GSE1: variants seen among roughly 807,000 people sequenced by gnomAD.
GSE1 encodes Gse1 coiled-coil protein.
A neutral mutation model predicts 112.6 loss-of-function variants in GSE1; 32 were observed. The ratio of observed to expected loss-of-function variants is 0.28; its 90% confidence interval spans 0.21 to 0.38. The LOEUF (loss-of-function observed/expected upper bound fraction) is 0.38, where lower values mean the gene tolerates loss of function less well. Among genes scored for constraint, GSE1 ranks in the 10% least tolerant of loss-of-function variants. GSE1 has a pLI of 1.00. For synonymous variants in GSE1, 1,115 were observed against 735.6 expected (o/e 1.52, Z -8.35); for missense variants, 2,348 against 1,699.2 (o/e 1.38, Z -6.71).
intron 1 of GSE1, among the ~76,000 whole-genome samples, chr16:85,299,003 G>A (rs776506783): frequency 5.3e-5 from 8 of 152,208 alleles, no homozygotes; most frequent in Non-Finnish European, 1.0e-4. Context: ...TGGAATGTCC[G>A]TCCTCGCTGC....
At chr16:85,190,083 C>G (rs969483682) in intron 1 of GSE1, among the ~76,000 whole-genome samples, 3 of 152,124 alleles carry the variant, frequency 2.0e-5, no homozygotes, top group African/African-American at 4.8e-5. Context: ...GGGACTGTTC[C>G]AAGTTATCTA....
intron 2 of GSE1, among the ~76,000 whole-genome samples, chr16:85,527,794 A>G (rs77807576): frequency 0.037 from 5,583 of 152,368 alleles, 152 homozygotes; most frequent in South Asian, 0.12. Flanking sequence ...TAGCACAGAC[A>G]TATACAGGAG....
At chr16:85,493,733 T>C (rs549763406) in intron 2 of GSE1, among the ~76,000 whole-genome samples, 1 of 136,066 alleles carries the variant, frequency 7.3e-6, no homozygotes, top group South Asian at 2.3e-4. Context: ...GAGGTTGTGG[T>C]AAGCCGAGAT....
At chr16:85,515,781 C>A (rs2051912484) in intron 2 of GSE1, among the ~76,000 whole-genome samples, 1 of 152,046 alleles carries the variant, frequency 6.6e-6, no homozygotes, top group African/African-American at 2.4e-5. Flanking sequence ...TCAGTGGCCC[C>A]CAGCACATGT....
chr16:85,508,429 G>A (rs73267224), intron 2 of GSE1, among the ~76,000 whole-genome samples: 15 of 152,146 alleles, frequency 9.9e-5, no homozygotes, highest in South Asian at 2.1e-4. Context: ...CACCAGGGGC[G>A]AGAGGTGAGT....
At chr16:85,524,544 T>A (rs1481376209) in intron 2 of GSE1, among the ~76,000 whole-genome samples, 2 of 149,496 alleles carry the variant, frequency 1.3e-5, no homozygotes, top group African/African-American at 4.9e-5. Flanking sequence ...GCTTGCCACG[T>A]GTGGGAGGGT....
chr16:85,235,483 T>C (rs1371980166), intron 1 of GSE1, among the ~76,000 whole-genome samples: 2 of 137,200 alleles, frequency 1.5e-5, no homozygotes, highest in Non-Finnish European at 3.2e-5. Flanking sequence ...GGGGGTGTGT[T>C]CTGGCCTCCC....
At chr16:85,226,839 AC>A (rs1403572654) in intron 1 of GSE1, among the ~76,000 whole-genome samples, 3 of 141,448 alleles carry the variant, frequency 2.1e-5, no homozygotes, top group Non-Finnish European at 4.5e-5. Context: ...AGGAGCTAGC[AC>A]CCCTCTGTTC....
chr16:85,266,070 G>A (rs1223323051), intron 1 of GSE1, among the ~76,000 whole-genome samples: 1 of 152,160 alleles, frequency 6.6e-6, no homozygotes, highest in Non-Finnish European at 1.5e-5. Flanking sequence ...GAAGGGAATC[G>A]CTCATGCTGT....
chr16:85,469,785 G>A (rs1173218619), intron 2 of GSE1, among the ~76,000 whole-genome samples: 2 of 152,152 alleles, frequency 1.3e-5, no homozygotes, highest in East Asian at 1.9e-4. Flanking sequence ...TCTGAAATGC[G>A]CCTTGCAAAA....
intron 2 of GSE1, among the ~76,000 whole-genome samples, chr16:85,395,372 C>T (rs751977502): frequency 6.6e-6 from 1 of 152,188 alleles, no homozygotes; most frequent in Non-Finnish European, 1.5e-5. Context: ...GTGCCAGGCT[C>T]CTCATGTGAG....
At chr16:85,366,549 G>A (rs2047189467) in intron 2 of GSE1, among the ~76,000 whole-genome samples, 2 of 152,222 alleles carry the variant, frequency 1.3e-5, no homozygotes, top group Admixed American at 6.5e-5. Flanking sequence ...TTCCTTGTAA[G>A]TGGGTCTCTC....
chr16:85,673,462 T>G lies in GSE1; in HGVS notation c.*923T>G, dbSNP rs1351834616. 4 of 146,872 alleles carry G rather than the reference T, an allele frequency of 2.7e-5. No individual in the cohort carries two copies. Among genetic ancestry groups the G allele is most frequent in the African/African-American group, 1.0e-4 (4 of 39,958 alleles). 9.1% of individuals were successfully genotyped at this position (146,872 alleles called of 1,614,324 possible). A position where few individuals can be genotyped will look rare whatever the true frequency, so the allele number is the denominator to read the frequency against. ...CCTGTTTGGGGGTTTTGTTTGTTGT[T>G]TTGGTTTTTTTTGGGCAAAAAAAAA... On this transcript the variant is annotated 3_prime_UTR_variant, in exon 16 of 16. Coordinates refer to ENST00000253458, the MANE Select transcript of GSE1 (RefSeq NM_014615.5).
At position 85,496,081 on chromosome 16, in the gene GSE1, G is replaced by A. The variant is rs117250946; in HGVS notation, c.2465-137833G>A. Among the ~76,000 whole-genome samples the A allele has an allele frequency of 7.4e-3, 1,134 of 152,268 alleles. 14 individuals are homozygous for A. The highest frequency in any genetic ancestry group is 0.023 in the African/African-American group (973 of 41,550). On this transcript the variant is annotated intron_variant, in intron 2 of 2. Transcript: ENST00000637419. ...TGGATCCCGGGTGCAGAATCCATCC[G>A]AGCACTCTGTATGGGGGCACAGCTC...
At chr16:85,268,587 T>C (rs972758547) in intron 1 of GSE1, among the ~76,000 whole-genome samples, 2 of 152,168 alleles carry the variant, frequency 1.3e-5, no homozygotes, top group Admixed American at 6.5e-5. Flanking sequence ...AAACCCTGTC[T>C]GGCCATAAGG....
chr16:85,438,173 C>T (rs995887152), intron 2 of GSE1, among the ~76,000 whole-genome samples: 5 of 152,148 alleles, frequency 3.3e-5, no homozygotes, highest in African/African-American at 9.7e-5. Flanking sequence ...TGAGCCCCCA[C>T]GGGGTACCTA....
chr16:85,337,691 CTTCAGGGG>C (rs1013248998), intron 1 of GSE1, among the ~76,000 whole-genome samples: 2 of 152,144 alleles, frequency 1.3e-5, no homozygotes, highest in African/African-American at 2.4e-5. Context: ...ATCTCCTTGC[CTTCAGGGG>C]TCCATGGGTG....
intron 1 of GSE1, among the ~76,000 whole-genome samples, chr16:85,324,224 C>T (rs942914842): frequency 3.3e-5 from 5 of 152,128 alleles, no homozygotes; most frequent in African/African-American, 9.7e-5. Context: ...ATGAAAACAT[C>T]GGTGGCCGGG....
intron 2 of GSE1, among the ~76,000 whole-genome samples, chr16:85,516,457 C>CAAAAA (rs71151299): frequency 1.9e-4 from 13 of 69,330 alleles, no homozygotes; most frequent in African/African-American, 3.6e-4. Context: ...CCCATCTCTA[C>CAAAAA]AAAAAAAAAA....
Sources: allele counts gnomAD v4.1 joint callset (sites outside exome capture counted in the v4.1 genomes callset), GRCh38; gene constraint gnomAD v4.1.1; transcripts MANE v1.5; gene names NCBI Gene and HGNC (gene_info 2026-07-23, HGNC 2026-07-21).